The following TCEA3 variants were observed in gnomAD, a reference collection of about 807,000 sequenced individuals.
TCEA3 encodes the protein transcription elongation factor A3.
TCEA3 carries 36 observed loss-of-function variants against 44.0 expected under a neutral mutation model. The observed-to-expected ratio is 0.82, with a 90% CI of 0.63 to 1.08. The LOEUF (loss-of-function observed/expected upper bound fraction) is 1.08, where lower values mean the gene tolerates loss of function less well. Among genes scored for constraint, TCEA3 ranks in the 50% least tolerant of loss-of-function variants. The pLI, the probability that TCEA3 is intolerant of heterozygous loss-of-function variation, is 0.00. For missense variants in TCEA3, 392 were observed against 441.2 expected (o/e 0.89, Z 1.00); for synonymous variants, 162 against 159.7 (o/e 1.01, Z -0.11).
intron 7 of TCEA3, among the ~76,000 whole-genome samples, chr1:23,396,533 T>C (rs1171441851): frequency 6.6e-6 from 1 of 152,046 alleles, no homozygotes; most frequent in Non-Finnish European, 1.5e-5. Flanking sequence ...AAGGATTCAA[T>C]ACATGGAATC....
intron 9 of TCEA3, among the ~76,000 whole-genome samples, chr1:23,385,275 T>C (rs1055973881): frequency 1.1e-4 from 17 of 152,168 alleles, no homozygotes; most frequent in African/African-American, 4.1e-4. Flanking sequence ...ATCTGTGGTG[T>C]GGGACGAGTT....
At position 23,408,711 on chromosome 1, in the gene TCEA3, G is replaced by A. The variant is rs1249324907; in HGVS notation, c.396C>T (p.Asp132=). 9 of 1,609,876 alleles carry A rather than the reference G, an allele frequency of 5.6e-6. No homozygotes were observed. The highest frequency in any genetic ancestry group is 7.6e-6 in the Non-Finnish European group (9 of 1,178,206). ...EDPKTRRDSV[D]SKSSASSSPK... is the part of the protein sequence containing the mutation. ...GAGAGGAGGAGGCAGAAGACTTGGA[G>A]TCCACAGAGTCTCTCCTGAAAGAAG... The change falls in exon 5 of 11, where the codon GAC becomes GAT. Residue 132 remains aspartate (D), a synonymous_variant. Coordinates refer to ENST00000450454, the MANE Select transcript of TCEA3 (RefSeq NM_003196.3).
At chr1:23,408,547 T>C in intron 5 of TCEA3, 117 bp downstream of exon 5, 1 of 1,016,416 alleles carries the variant, frequency 9.8e-7, no homozygotes, top group Non-Finnish European at 1.4e-6. Flanking sequence ...GGCAACATAA[T>C]GTAGGAGGTT....
intron 5 of TCEA3, among the ~76,000 whole-genome samples, chr1:23,399,975 C>CA (rs1280378824): frequency 4.0e-5 from 6 of 151,622 alleles, no homozygotes; most frequent in South Asian, 2.1e-4. Flanking sequence ...TGTGCCCGGC[C>CA]AAAAAAATGC....
Position 23,397,530 on chromosome 1 carries a change from A to G in TCEA3, c.664+15T>C, listed in dbSNP as rs762300371. 3 of 1,613,260 alleles carry G rather than the reference A, an allele frequency of 1.9e-6. No individual in the cohort carries two copies. Among genetic ancestry groups the G allele is most frequent in the Admixed American group, 1.7e-5 (1 of 59,972 alleles). On this transcript the variant is annotated intron_variant, in intron 7 of 10. Coordinates refer to ENST00000450454, the MANE Select transcript of TCEA3 (RefSeq NM_003196.3). Reference sequence around the variant, plus strand: ...CGGTGCAGACACCCACAGCCCCGGCACAGTTCAAGGATATGATCTTCGATT... The same window carrying G: ...CGGTGCAGACACCCACAGCCCCGGCGCAGTTCAAGGATATGATCTTCGATT...
chr1:23,397,520 C>T, intron 7 of TCEA3, 25 bp downstream of exon 7: 2 of 1,611,274 alleles, frequency 1.2e-6, no homozygotes, highest in South Asian at 1.1e-5. Context: ...CAGACACCCA[C>T]AGCCCCGGCA....
intron 4 of TCEA3, chr1:23,412,034 T>TG (rs1236942522): frequency 2.0e-5 from 3 of 152,190 alleles, no homozygotes; most frequent in Admixed American, 1.3e-4. Flanking sequence ...ACTGAGCCGG[T>TG]GCATACCTTA....
chr1:23,396,815 G>T (rs1202731118), intron 7 of TCEA3, among the ~76,000 whole-genome samples: 1 of 152,048 alleles, frequency 6.6e-6, no homozygotes, highest in Admixed American at 6.6e-5. Context: ...AGACCAGCCT[G>T]ACCAACATCG....
intron 1 of TCEA3, among the ~76,000 whole-genome samples, chr1:23,421,589 T>C (rs1223271647): frequency 2.6e-5 from 4 of 152,156 alleles, no homozygotes; most frequent in Admixed American, 1.3e-4. Context: ...ACCAACATGC[T>C]GTCACTGAAC....
intron 10 of TCEA3, chr1:23,383,739 C>T: frequency 1.0e-6 from 1 of 985,584 alleles, no homozygotes; most frequent in Non-Finnish European, 1.2e-6. Context: ...ACACTCTGTT[C>T]CTTCAGGAGA....
chr1:23,386,078 T>C (rs1239615551), intron 9 of TCEA3, among the ~76,000 whole-genome samples: 1 of 152,224 alleles, frequency 6.6e-6, no homozygotes, highest in Non-Finnish European at 1.5e-5. Context: ...CAGAACACAC[T>C]GACCAAGCCT....
intron 4 of TCEA3, among the ~76,000 whole-genome samples, chr1:23,412,523 AG>A (rs1261243747): frequency 6.6e-6 from 1 of 151,746 alleles, no homozygotes; most frequent in African/African-American, 2.4e-5. Context: ...AGCAACATGG[AG>A]AAACCCCTTC....
intron 3 of TCEA3, 100 bp from the exon 4 acceptor site, chr1:23,417,490 G>A: frequency 2.0e-6 from 3 of 1,470,150 alleles, no homozygotes; most frequent in South Asian, 1.4e-5. Flanking sequence ...GACGAGGACA[G>A]CTGCACACAC....
intron 1 of TCEA3, among the ~76,000 whole-genome samples, chr1:23,420,971 C>A (rs1258294955): frequency 6.6e-6 from 1 of 152,174 alleles, no homozygotes; most frequent in Admixed American, 6.5e-5. Context: ...GCCCACAGTT[C>A]ATGGTTCCAG....
At chr1:23,395,116 C>CT (rs1275875871) in intron 7 of TCEA3, among the ~76,000 whole-genome samples, 1 of 152,208 alleles carries the variant, frequency 6.6e-6, no homozygotes, top group African/African-American at 2.4e-5. Context: ...GGTATTCTTT[C>CT]TTTTTTCTGT....
intron 5 of TCEA3, among the ~76,000 whole-genome samples, chr1:23,406,620 TTTTTG>T (rs1042711984): frequency 3.3e-5 from 5 of 152,094 alleles, no homozygotes; most frequent in Admixed American, 1.3e-4. Flanking sequence ...GACTCTACAA[TTTTTG>T]TTTTGTTTTG....
At chr1:23,384,721 C>T (rs1638776907) in intron 9 of TCEA3, among the ~76,000 whole-genome samples, 1 of 139,948 alleles carries the variant, frequency 7.1e-6, no homozygotes, top group African/African-American at 2.8e-5. Context: ...GACTGGAGTG[C>T]AGTGGTGCCA....
chr1:23,424,497 C>T, intron 1 of TCEA3, 68 bp downstream of exon 1: 1 of 1,465,494 alleles, frequency 6.8e-7, no homozygotes, highest in Non-Finnish European at 9.4e-7. Flanking sequence ...TACGTCCCCA[C>T]CCCGGAATCC....
intron 7 of TCEA3, among the ~76,000 whole-genome samples, chr1:23,394,565 G>A (rs772058792): frequency 1.1e-4 from 16 of 152,310 alleles, no homozygotes; most frequent in Non-Finnish European, 2.1e-4. Context: ...AAGGCTCTAC[G>A]AAGTATTGCA....
Sources: allele counts gnomAD v4.1 joint callset (sites outside exome capture counted in the v4.1 genomes callset), GRCh38; gene constraint gnomAD v4.1.1; transcripts MANE v1.5; gene names NCBI Gene and HGNC (gene_info 2026-07-23, HGNC 2026-07-21).